AIMP1: variants seen among roughly 807,000 people sequenced by gnomAD.
AIMP1 encodes the protein aminoacyl tRNA synthetase complex interacting multifunctional protein 1, also known as aminoacyl tRNA synthase complex-interacting multifunctional protein 1.
In AIMP1, 24 loss-of-function variants were observed where a neutral mutation model predicts 33.1. That is an observed-to-expected ratio of 0.73 (90% CI 0.53 to 1.02). AIMP1 has a LOEUF of 1.02. Among genes scored for constraint, AIMP1 ranks in the 50% least tolerant of loss-of-function variants. The probability of loss-of-function intolerance (pLI) is 0.00; values close to 1 mark genes in which losing one functional copy is unlikely to be tolerated. For synonymous variants in AIMP1, 120 were observed against 121.5 expected (o/e 0.99, Z 0.08); for missense variants, 367 against 364.8 (o/e 1.01, Z -0.05).
At chr4:106,319,492 G>C (rs1013096718) in intron 1 of AIMP1, among the ~76,000 whole-genome samples, 3 of 152,192 alleles carry the variant, frequency 2.0e-5, no homozygotes, top group Non-Finnish European at 4.4e-5. Flanking sequence ...CATTGAGAAG[G>C]ACAAAATTAA....
rs111938362 is a variant in AIMP1 at position 106,318,618 on chromosome 4, T to C, written c.-26+2024T>C. ...GGGATGTATTTTTAAGTTGTTGACA[T>C]CTTTAAATCACTGTAGATGAATTGG... On this transcript the variant is annotated intron_variant, in intron 1 of 6. Coordinates refer to ENST00000672341, the MANE Select transcript of AIMP1 (RefSeq NM_001142416.2). Among the ~76,000 whole-genome samples, 7 of 152,322 alleles carry C rather than the reference T, an allele frequency of 4.6e-5. 1 individual carries two copies. Among genetic ancestry groups the C allele is most frequent in the African/African-American group, 1.7e-4 (7 of 41,582 alleles).
chr4:106,341,262 C>A (rs1036121354), intron 6 of AIMP1, among the ~76,000 whole-genome samples: 1 of 152,122 alleles, frequency 6.6e-6, no homozygotes, highest in Admixed American at 6.6e-5. Flanking sequence ...TTAATCAGCT[C>A]CCACTTGTCA....
At chr4:106,319,275 T>C (rs1769104838) in intron 1 of AIMP1, among the ~76,000 whole-genome samples, 2 of 152,144 alleles carry the variant, frequency 1.3e-5, no homozygotes, top group Non-Finnish European at 2.9e-5. Flanking sequence ...GCAGGCAATT[T>C]AGATGGTGTG....
At chr4:106,326,786 A>T (rs997467925) in intron 2 of AIMP1, among the ~76,000 whole-genome samples, 1 of 151,656 alleles carries the variant, frequency 6.6e-6, no homozygotes, top group Non-Finnish European at 1.5e-5. Context: ...ATTTTTAAAA[A>T]TTTTTTTGAG....
intron 1 of AIMP1, among the ~76,000 whole-genome samples, chr4:106,320,061 G>T (rs143594485): frequency 6.6e-6 from 1 of 152,120 alleles, no homozygotes. Context: ...CAGCCATAGC[G>T]CATGTTCTAC....
chr4:106,326,969 G>A (rs1769476788), intron 2 of AIMP1, among the ~76,000 whole-genome samples: 1 of 152,000 alleles, frequency 6.6e-6, no homozygotes, highest in South Asian at 2.1e-4. Context: ...GTAGAGATGG[G>A]TTTTGCCATG....
At chr4:106,338,839 G>C (rs1246441050) in intron 6 of AIMP1, among the ~76,000 whole-genome samples, 1 of 152,206 alleles carries the variant, frequency 6.6e-6, no homozygotes, top group African/African-American at 2.4e-5. Flanking sequence ...AAAGCAGCTG[G>C]GATGGTGGCT....
intron 1 of AIMP1, among the ~76,000 whole-genome samples, chr4:106,319,288 TG>T (rs1769105285): frequency 6.6e-6 from 1 of 152,038 alleles, no homozygotes; most frequent in Non-Finnish European, 1.5e-5. Flanking sequence ...ATGGTGTGGG[TG>T]GGGAGGACTA....
rs556783424 is a variant in AIMP1, at chr4:106,329,117, A to T, written c.391+874A>T. On this transcript the variant is annotated intron_variant, in intron 4 of 6. Coordinates refer to ENST00000672341, the MANE Select transcript of AIMP1 (RefSeq NM_001142416.2). ...TAACCCAAGCCAATTTAGCCTCTAAAGCACTTGCCAGTTCCTTTGGCAAAC... is the reference window on the plus strand; with the variant it reads ...TAACCCAAGCCAATTTAGCCTCTAATGCACTTGCCAGTTCCTTTGGCAAAC... Among the ~76,000 whole-genome samples, 6 of 152,098 alleles carry T rather than the reference A, an allele frequency of 3.9e-5. No homozygotes were observed. The South Asian group carries it at 1.2e-3, about 32-fold the overall frequency.
chr4:106,341,891 A>C (rs971710366), intron 6 of AIMP1, among the ~76,000 whole-genome samples: 1 of 152,174 alleles, frequency 6.6e-6, no homozygotes, highest in African/African-American at 2.4e-5. Flanking sequence ...GCAGTAAGGC[A>C]ATTTTAACAA....
intron 1 of AIMP1, among the ~76,000 whole-genome samples, chr4:106,322,624 G>T (rs1415157077): frequency 6.6e-6 from 1 of 152,174 alleles, no homozygotes; most frequent in Non-Finnish European, 1.5e-5. Flanking sequence ...TTCACAAGAT[G>T]AGACTTTTTA....
chr4:106,337,451 C>T (rs1354076194), intron 6 of AIMP1, among the ~76,000 whole-genome samples: 1 of 152,156 alleles, frequency 6.6e-6, no homozygotes, highest in Non-Finnish European at 1.5e-5. Flanking sequence ...TTCCCCTACG[C>T]ATGCTCTCTT....
At chr4:106,330,076 C>A (rs1031169200) in intron 4 of AIMP1, among the ~76,000 whole-genome samples, 3 of 152,038 alleles carry the variant, frequency 2.0e-5, no homozygotes, top group Admixed American at 6.6e-5. Context: ...AGCCACCATG[C>A]CCAGCTAGAC....
At chr4:106,320,993 C>G (rs1406469113) in intron 1 of AIMP1, among the ~76,000 whole-genome samples, 1 of 152,202 alleles carries the variant, frequency 6.6e-6, no homozygotes. Context: ...AGTGATCTGC[C>G]AGCCTCGGCG....
chr4:106,347,588 C>G lies in AIMP1; in HGVS notation c.835C>G (p.His279Asp). The change falls in exon 7 of 7, where the codon CAC (histidine) becomes GAC (aspartate). Residue 279 changes from histidine to aspartate, a missense_variant. Transcript: ENST00000672341. ...TTGGGAGCAGATCCAGCCTGATCTT[C>G]ACACTAATGATGAGTGTGTGGCTAC... ...KIWEQIQPDL[H>D]TNDECVATYK... The G allele has an allele frequency of 2.5e-6, 4 of 1,613,418 alleles. No individual in the cohort carries two copies. The highest frequency in any genetic ancestry group is 3.4e-6 in the Non-Finnish European group (4 of 1,179,660).
intron 4 of AIMP1, among the ~76,000 whole-genome samples, chr4:106,329,524 A>G (rs949434217): frequency 1.3e-5 from 2 of 152,224 alleles, no homozygotes; most frequent in Non-Finnish European, 2.9e-5. Flanking sequence ...GCATTATCCA[A>G]CATGGTAGTC....
At chr4:106,343,877 G>A (rs778456495) in intron 6 of AIMP1, among the ~76,000 whole-genome samples, 37 of 152,242 alleles carry the variant, frequency 2.4e-4, no homozygotes, top group Non-Finnish European at 3.4e-4. Context: ...CGTATTAATA[G>A]TAGAAATTAA....
intron 5 of AIMP1, 120 bp downstream of exon 5, chr4:106,332,003 G>T (rs1317897978): frequency 4.1e-6 from 4 of 977,142 alleles, no homozygotes; most frequent in South Asian, 1.3e-5. Flanking sequence ...AATTAGTTCA[G>T]TCGATTAGTT....
At chr4:106,331,955 A>C (rs920685261) in intron 5 of AIMP1, 72 bp downstream of exon 5, 1 of 1,419,084 alleles carries the variant, frequency 7.0e-7, no homozygotes, top group African/African-American at 1.4e-5. Flanking sequence ...GTATCTTTCC[A>C]TTATAATTTT....
Sources: allele counts gnomAD v4.1 joint callset (sites outside exome capture counted in the v4.1 genomes callset), GRCh38; gene constraint gnomAD v4.1.1; transcripts MANE v1.5; gene names NCBI Gene and HGNC (gene_info 2026-07-23, HGNC 2026-07-21).